The following NCKAP5 variants were observed in gnomAD, a reference collection of about 807,000 sequenced individuals.
NCKAP5 encodes NCK associated protein 5, also known as nck-associated protein 5.
A neutral mutation model predicts 167.0 loss-of-function variants in NCKAP5; 92 were observed. That is an observed-to-expected ratio of 0.55 (90% CI 0.47 to 0.66). The LOEUF (loss-of-function observed/expected upper bound fraction) is 0.66, where lower values mean the gene tolerates loss of function less well. Among genes scored for constraint, NCKAP5 ranks in the 30% least tolerant of loss-of-function variants. The probability of loss-of-function intolerance (pLI) is 0.00; values close to 1 mark genes in which losing one functional copy is unlikely to be tolerated. For missense variants in NCKAP5, 2,378 were observed against 2,315.0 expected (o/e 1.03, Z -0.56); for synonymous variants, 891 against 877.4 (o/e 1.02, Z -0.27).
Position 133,428,092 on chromosome 2 carries a change from C to T in NCKAP5, c.69+89366G>A, listed in dbSNP as rs7567502. 4.6e-5 allele frequency among the ~76,000 whole-genome samples: 7 copies of T among 151,726 alleles called. No homozygotes were observed. The East Asian group carries it at 9.7e-4, about 21-fold the overall frequency. On this transcript the variant is annotated intron_variant, in intron 3 of 19. Transcript: ENST00000409261. ...TACAACAGGATTATTTTTGAAAGAA[C>T]GGGCACTAGGCAAAAGTCACTCTAC...
At chr2:132,715,932 G>T (rs562379633) in intron 19 of NCKAP5, among the ~76,000 whole-genome samples, 1 of 152,082 alleles carries the variant, frequency 6.6e-6, no homozygotes, top group Non-Finnish European at 1.5e-5. Context: ...ATACCCAAAG[G>T]TTAATCTTTT....
At chr2:133,672,668 C>T in the NCKAP5 span, among the ~76,000 whole-genome samples, 1 of 152,172 alleles carries the variant, frequency 6.6e-6, no homozygotes, top group Non-Finnish European at 1.5e-5. Flanking sequence ...GCCATGGTAA[C>T]ACAAAAGCAG....
chr2:132,839,349 G>T (rs998405406), intron 11 of NCKAP5, among the ~76,000 whole-genome samples: 1 of 152,034 alleles, frequency 6.6e-6, no homozygotes, highest in African/African-American at 2.4e-5. Flanking sequence ...TGTGGTACAA[G>T]ATAACCAGTT....
At chr2:132,719,773 C>T (rs1297698068) in intron 19 of NCKAP5, among the ~76,000 whole-genome samples, 13 of 152,156 alleles carry the variant, frequency 8.5e-5, no homozygotes, top group Non-Finnish European at 4.4e-5. Flanking sequence ...AGAGCATGGA[C>T]GATGAGAGCG....
the NCKAP5 span, among the ~76,000 whole-genome samples, chr2:133,641,147 T>C: frequency 1.3e-5 from 2 of 152,228 alleles, no homozygotes; most frequent in African/African-American, 2.4e-5. Context: ...TCTGTTCATA[T>C]GGACGTCAGA....
chr2:133,402,753 A>G (rs1479876451), intron 3 of NCKAP5, among the ~76,000 whole-genome samples: 1 of 151,746 alleles, frequency 6.6e-6, no homozygotes, highest in East Asian at 1.9e-4. Context: ...TTGATTGTCA[A>G]CCTCCTGAGG....
chr2:132,948,098 C>A (rs1385593467), intron 8 of NCKAP5, among the ~76,000 whole-genome samples: 3 of 152,152 alleles, frequency 2.0e-5, no homozygotes, highest in African/African-American at 7.2e-5. Flanking sequence ...TTTCTGTGGG[C>A]AGACTTAGAT....
At chr2:133,672,134 C>T in the NCKAP5 span, among the ~76,000 whole-genome samples, 1 of 152,122 alleles carries the variant, frequency 6.6e-6, no homozygotes, top group Non-Finnish European at 1.5e-5. Flanking sequence ...TGAATTTAAA[C>T]AGAGACCTAA....
At chr2:133,001,239 C>T (rs1158457631) in intron 6 of NCKAP5, among the ~76,000 whole-genome samples, 2 of 133,518 alleles carry the variant, frequency 1.5e-5, no homozygotes, top group Non-Finnish European at 3.1e-5. Context: ...TTTTTTGAGA[C>T]AGGGTCTCAC....
chr2:133,154,339 C>T (rs1314290589), intron 5 of NCKAP5, among the ~76,000 whole-genome samples: 1 of 152,188 alleles, frequency 6.6e-6, no homozygotes, highest in Non-Finnish European at 1.5e-5. Flanking sequence ...ACAACTCTCA[C>T]AAATGAGGGA....
intron 3 of NCKAP5, among the ~76,000 whole-genome samples, chr2:133,356,967 T>C (rs1160639816): frequency 6.6e-6 from 1 of 152,192 alleles, no homozygotes; most frequent in Non-Finnish European, 1.5e-5. Flanking sequence ...CCAAGATTCT[T>C]GACCAACTTG....
intron 16 of NCKAP5, among the ~76,000 whole-genome samples, chr2:132,755,724 G>A (rs1186242920): frequency 6.6e-6 from 1 of 151,780 alleles, no homozygotes; most frequent in African/African-American, 2.4e-5. Context: ...AGCTACTCAG[G>A]AGGCTAAGGC....
chr2:132,920,465 T>A (rs918591941), intron 8 of NCKAP5, among the ~76,000 whole-genome samples: 1 of 151,278 alleles, frequency 6.6e-6, no homozygotes, highest in Non-Finnish European at 1.5e-5. Context: ...AAGGACCCCC[T>A]TTTGTTGATG....
At chr2:132,986,637 T>C (rs1039125468) in intron 7 of NCKAP5, among the ~76,000 whole-genome samples, 3 of 152,250 alleles carry the variant, frequency 2.0e-5, no homozygotes, top group African/African-American at 4.8e-5. Context: ...ATACATTTTA[T>C]ACTAAAGATA....
chr2:132,784,959 C>T lies in NCKAP5; in HGVS notation c.1852G>A (p.Asp618Asn), dbSNP rs1683423153. 1.2e-6 allele frequency: 2 copies of T among 1,611,126 alleles called. No homozygotes were observed. The highest frequency in any genetic ancestry group is 1.7e-6 in the Non-Finnish European group (2 of 1,178,538). ...ADTDKSVENL[D>N]VLVGFGKSLC... ...GATTTTCCAAACCCCACAAGGACAT[C>T]CAGGTTCTCCACGGACTTATCGGTG... Residue 618 changes from aspartate (D) to asparagine (N), a missense_variant, in exon 14 of 20, where the codon GAT becomes AAT. By Grantham distance (23) the Asp-to-Asn change is conservative. Around this residue, in one of 3 missense-constraint regions of NCKAP5, gnomAD observed 1,049 missense variants for 1,023.4 expected, o/e 1.02. Transcript: ENST00000409261.
intron 19 of NCKAP5, among the ~76,000 whole-genome samples, chr2:132,700,931 G>GGGC (rs1553475121): frequency 2.1e-4 from 4 of 19,422 alleles, no homozygotes; most frequent in Admixed American, 1.3e-3. Context: ...TCCCCTGGGC[G>GGGC]GGGGGGGGGG....
intron 4 of NCKAP5, among the ~76,000 whole-genome samples, chr2:133,246,095 A>G (rs2150317716): frequency 6.6e-6 from 1 of 152,232 alleles, no homozygotes; most frequent in Non-Finnish European, 1.5e-5. Context: ...CATGCATAGC[A>G]TCTGAATTCA....
chr2:132,711,610 A>T (rs1014900656), intron 19 of NCKAP5, among the ~76,000 whole-genome samples: 3 of 152,172 alleles, frequency 2.0e-5, no homozygotes, highest in African/African-American at 7.2e-5. Flanking sequence ...TATCAAAGGA[A>T]TTCTGAATTT....
chr2:132,830,915 C>A (rs73955989), intron 11 of NCKAP5, among the ~76,000 whole-genome samples: 10,536 of 152,066 alleles, frequency 0.069, 728 homozygotes, highest in African/African-American at 0.16. Context: ...CCCATCTCAC[C>A]CCCCTTCAGT....
Sources: allele counts gnomAD v4.1 joint callset (sites outside exome capture counted in the v4.1 genomes callset), GRCh38; gene constraint gnomAD v4.1.1; regional missense constraint gnomAD v4.1.1; transcripts MANE v1.5; gene names NCBI Gene and HGNC (gene_info 2026-07-23, HGNC 2026-07-21).